The following NIBAN1 variants were observed in gnomAD, a reference collection of about 807,000 sequenced individuals.
NIBAN1 encodes protein Niban 1.
A neutral mutation model predicts 75.1 loss-of-function variants in NIBAN1; 81 were observed. That is an observed-to-expected ratio of 1.08 (90% CI 0.90 to 1.30). The LOEUF (loss-of-function observed/expected upper bound fraction) is 1.30. NIBAN1 is among the 50% of genes most tolerant of loss of function. The probability of loss-of-function intolerance (pLI) is 0.00; values close to 1 mark genes in which losing one functional copy is unlikely to be tolerated. For synonymous variants in NIBAN1, 436 were observed against 424.8 expected (o/e 1.03, Z -0.32); for missense variants, 1,133 against 1,128.1 (o/e 1.00, Z -0.06).
intron 1 of NIBAN1, among the ~76,000 whole-genome samples, chr1:184,947,014 G>A (rs1171209477): frequency 6.6e-6 from 1 of 151,082 alleles, no homozygotes; most frequent in Non-Finnish European, 1.5e-5. Context: ...TAGAGGTTGT[G>A]GTGAGCCAAG....
chr1:184,924,654 C>T (rs368348405), intron 1 of NIBAN1, among the ~76,000 whole-genome samples: 2 of 152,228 alleles, frequency 1.3e-5, no homozygotes, highest in East Asian at 1.9e-4. Flanking sequence ...AGCAGTGAAG[C>T]TATCAGGCCC....
At chr1:184,877,133 A>G (rs1321408522) in intron 5 of NIBAN1, among the ~76,000 whole-genome samples, 1 of 152,226 alleles carries the variant, frequency 6.6e-6, no homozygotes, top group Non-Finnish European at 1.5e-5. Context: ...AAATTATGGT[A>G]TATTAATGTA....
At chr1:184,874,350 G>A (rs1656181314) in intron 5 of NIBAN1, among the ~76,000 whole-genome samples, 1 of 151,768 alleles carries the variant, frequency 6.6e-6, no homozygotes, top group African/African-American at 2.4e-5. Context: ...AAAACTAAAT[G>A]CTCATTTAAC....
intron 1 of NIBAN1, among the ~76,000 whole-genome samples, chr1:184,948,331 G>A (rs1658279908): frequency 6.6e-6 from 1 of 152,020 alleles, no homozygotes; most frequent in Admixed American, 6.5e-5. Context: ...ACCTTAATAG[G>A]ACAGATATCC....
In NIBAN1 at chr1:184,791,182, C is replaced by A; in HGVS notation, c.*3795G>T. The stretch of plus-strand genomic sequence containing the variant: ...TCTTGAAGTTGCAGACTTTAGAAGG[C>A]AAACCCTCAAACCCGTCTCTTTATG... On this transcript the variant is annotated 3_prime_UTR_variant, in exon 14 of 14. Coordinates refer to ENST00000367511, the MANE Select transcript of NIBAN1 (RefSeq NM_052966.4). 5.1e-6 allele frequency: 2 copies of A among 389,514 alleles called. No homozygotes were observed. Among genetic ancestry groups the A allele is most frequent in the Non-Finnish European group, 5.1e-6 (1 of 196,280 alleles). The allele number at this position is 389,514 out of a possible 1,614,324, so 24.1% of individuals were successfully genotyped here.
chr1:184,827,948 G>GTTT (rs1447395203), intron 6 of NIBAN1, among the ~76,000 whole-genome samples: 2 of 124,878 alleles, frequency 1.6e-5, no homozygotes, highest in South Asian at 2.8e-4. Flanking sequence ...AATGCGGGTA[G>GTTT]TTTTGTTTTT....
At chr1:184,939,682 G>A (rs1352208722) in intron 1 of NIBAN1, among the ~76,000 whole-genome samples, 2 of 152,110 alleles carry the variant, frequency 1.3e-5, no homozygotes, top group African/African-American at 4.8e-5. Context: ...TAACTTTCCT[G>A]TGCTTTGCTT....
At chr1:184,875,781 C>T (rs146326913) in intron 5 of NIBAN1, among the ~76,000 whole-genome samples, 10 of 152,168 alleles carry the variant, frequency 6.6e-5, no homozygotes, top group African/African-American at 2.2e-4. Context: ...AAATAAAGCC[C>T]AAGAAAATAG....
At chr1:184,866,912 T>C (rs1006026468) in intron 5 of NIBAN1, among the ~76,000 whole-genome samples, 2 of 152,088 alleles carry the variant, frequency 1.3e-5, no homozygotes, top group Non-Finnish European at 2.9e-5. Flanking sequence ...AAAGAAAGAG[T>C]GGAAGTTTTG....
At chr1:184,898,369 C>A (rs1276700072) in intron 2 of NIBAN1, among the ~76,000 whole-genome samples, 1 of 152,146 alleles carries the variant, frequency 6.6e-6, no homozygotes, top group Non-Finnish European at 1.5e-5. Flanking sequence ...AATCCCAGCA[C>A]TTTGGGAGGC....
intron 1 of NIBAN1, among the ~76,000 whole-genome samples, chr1:184,947,615 C>T (rs942673310): frequency 3.3e-5 from 5 of 152,176 alleles, no homozygotes; most frequent in Non-Finnish European, 5.9e-5. Context: ...GCCCAGATTC[C>T]TGTATATTGA....
chr1:184,974,305 G>A lies in NIBAN1; in HGVS notation c.52C>T (p.Arg18Ter). The change falls in exon 1 of 14, where the codon CGA (arginine) becomes TGA (stop). Residue 18 changes from arginine (R) to a stop codon, truncating the protein, a stop_gained. Transcript: ENST00000367511. LOFTEE classifies it high-confidence loss of function. ...GCCCCCGGGCGGGCGGGCGTACCTC[G>A]GATGTAAGCGCACTTGCCCTCGTCC... ...QLDEGKCAYI[R>*]GKTEAAIKNF... 1 of 1,563,624 alleles carries A rather than the reference G, an allele frequency of 6.4e-7. No individual in the cohort carries two copies. The highest frequency in any genetic ancestry group is 8.6e-7 in the Non-Finnish European group (1 of 1,161,968).
rs146538629 is a variant in NIBAN1, at chr1:184,904,857, A to T, written c.56-5548T>A. On this transcript the variant is annotated intron_variant, in intron 1 of 13. Coordinates refer to ENST00000367511, the MANE Select transcript of NIBAN1 (RefSeq NM_052966.4). Reference sequence around the variant, plus strand: ...TCCCAGCTACTTGGGAGGCTGAGGCAGGAGAATCACTTGAGCCTGGGAGGC... The same window carrying T: ...TCCCAGCTACTTGGGAGGCTGAGGCTGGAGAATCACTTGAGCCTGGGAGGC... 7.0e-3 allele frequency among the ~76,000 whole-genome samples: 1,070 copies of T among 152,192 alleles called. 11 individuals carry two copies. The highest frequency in any genetic ancestry group is 0.024 in the African/African-American group (1,012 of 41,522).
intron 1 of NIBAN1, among the ~76,000 whole-genome samples, chr1:184,967,622 G>T (rs916552489): frequency 2.6e-5 from 4 of 152,108 alleles, no homozygotes; most frequent in African/African-American, 9.7e-5. Flanking sequence ...AAAGTAAAAA[G>T]CTCAGTAGTT....
intron 5 of NIBAN1, among the ~76,000 whole-genome samples, chr1:184,839,563 G>GTA (rs1180022309): frequency 2.3e-4 from 34 of 150,440 alleles, no homozygotes; most frequent in Non-Finnish European, 3.0e-5. Flanking sequence ...GTGTGTGTGT[G>GTA]TGCACGCGCG....
At chr1:184,860,348 A>C (rs1655786101) in intron 5 of NIBAN1, among the ~76,000 whole-genome samples, 2 of 152,160 alleles carry the variant, frequency 1.3e-5, no homozygotes, top group Non-Finnish European at 2.9e-5. Context: ...TTTTGTAAAC[A>C]TGCAAAAAAA....
intron 4 of NIBAN1, among the ~76,000 whole-genome samples, chr1:184,889,322 C>T (rs146670506): frequency 1.2e-4 from 18 of 152,186 alleles, no homozygotes; most frequent in East Asian, 5.8e-4. Flanking sequence ...GTTCAGCAGC[C>T]GGCTAAGCTA....
chr1:184,816,677 G>T (rs1654544163), intron 9 of NIBAN1, among the ~76,000 whole-genome samples: 1 of 152,000 alleles, frequency 6.6e-6, no homozygotes, highest in South Asian at 2.1e-4. Flanking sequence ...CCTGTAAATA[G>T]GATGTTCCAG....
At position 184,947,542 on chromosome 1, in the gene NIBAN1, G is replaced by A. The variant is rs142855076; in HGVS notation, c.55+26760C>T. On this transcript the variant is annotated intron_variant, in intron 1 of 13. Transcript: ENST00000367511. ...TGCCAATGTTTAACATGATAAATAT[G>A]TATATTTTCCAGCAATAATTTCTTA... 1.5e-3 allele frequency among the ~76,000 whole-genome samples: 223 copies of A among 152,318 alleles called. 1 individual carries two copies. The highest frequency in any genetic ancestry group is 5.2e-3 in the African/African-American group (218 of 41,572).
Sources: gnomAD v4.1 joint callset for allele counts (sites outside exome capture counted in the v4.1 genomes callset) on GRCh38, gnomAD v4.1.1 for gene constraint, MANE v1.5 for transcripts, NCBI Gene and HGNC (gene_info 2026-07-23, HGNC 2026-07-21) for gene names.